Variants in GRM7 observed in about 807,000 individuals in gnomAD.
GRM7 encodes metabotropic glutamate receptor 7.
Under a neutral mutation model 84.5 loss-of-function variants are expected in GRM7, and 35 were observed. The observed-to-expected ratio is 0.41, with a 90% confidence interval of 0.32 to 0.55. GRM7 has a LOEUF of 0.55. Among genes scored for constraint, GRM7 ranks in the 20% least tolerant of loss-of-function variants. The pLI is 0.19. For missense variants in GRM7, 1,003 were observed against 1,194.6 expected, an observed-to-expected ratio of 0.84 and a Z score of 2.36; for synonymous variants, 487 against 455.1, an observed-to-expected ratio of 1.07 and a Z score of -0.89.
chr3:7,698,389 T>C (rs1701102435), intron 9 of GRM7, among the ~76,000 whole-genome samples: 2 of 152,220 alleles, frequency 1.3e-5, no homozygotes, highest in South Asian at 4.1e-4. Context: ...ATTATACAAC[T>C]GTATGTGATA....
chr3:7,452,463 A>T, intron 5 of GRM7, 144 bp from the exon 6 acceptor site: 1 of 643,232 alleles, frequency 1.6e-6, no homozygotes, highest in Non-Finnish European at 2.8e-6. Flanking sequence ...TGGTAGGCAA[A>T]TGTGGCTTGA....
At chr3:6,877,809 T>TCACACA (rs3220585) in intron 1 of GRM7, among the ~76,000 whole-genome samples, 78 of 145,642 alleles carry the variant, frequency 5.4e-4, no homozygotes, top group East Asian at 8.1e-4. Flanking sequence ...TACACAGATA[T>TCACACA]CACACACACA....
Position 7,049,917 on chromosome 3 carries a change from G to A in GRM7, c.520-96535G>A, listed in dbSNP as rs145545796. Among the ~76,000 whole-genome samples the A allele has an allele frequency of 9.9e-5, 15 of 152,006 alleles. No homozygotes were observed. The East Asian group carries it at 1.7e-3, about 18-fold the overall frequency. ...AACTGGAACCTAGTTTATTATCAGAGGAAGCTGACAGACAAAGCAAAAACC... is the reference window on the plus strand; with the variant it reads ...AACTGGAACCTAGTTTATTATCAGAAGAAGCTGACAGACAAAGCAAAAACC... On this transcript the variant is annotated intron_variant, in intron 1 of 9. Transcript: ENST00000357716.
In GRM7 at chr3:7,305,339, T is replaced by C. The variant is rs1700151326; in HGVS notation, c.879-1159T>C. ...ATTTCCTATGCTGCTGCTTTTTTTTTTTTCTTTTTTTTTTTTTTTAATTAT... is the reference window on the plus strand; with the variant it reads ...ATTTCCTATGCTGCTGCTTTTTTTTCTTTCTTTTTTTTTTTTTTTAATTAT... On this transcript the variant is annotated intron_variant, in intron 3 of 9. Transcript: ENST00000357716. 4.6e-5 allele frequency among the ~76,000 whole-genome samples: 4 copies of C among 87,334 alleles called. 1 individual carries two copies. The highest frequency in any genetic ancestry group is 9.3e-5 in the Admixed American group (1 of 10,728). The allele number at this position is 87,334 out of a possible 152,430, so 57.3% of individuals were successfully genotyped here.
Position 7,604,338 on chromosome 3 carries a change from T to A in GRM7, c.2451+24981T>A, listed in dbSNP as rs550084696. On this transcript the variant is annotated intron_variant, in intron 8 of 9. Transcript: ENST00000357716. ...CTATAGAGGATAGCTTAAGTTTGCT[T>A]TGCTGGAAGTTTTCATGAGGATTCT... Among the ~76,000 whole-genome samples the A allele has an allele frequency of 8.5e-5, 13 of 152,258 alleles. 1 individual carries two copies. The South Asian group carries it at 2.5e-3, about 29-fold the overall frequency.
intron 7 of GRM7, among the ~76,000 whole-genome samples, chr3:7,489,131 A>G (rs1335557882): frequency 1.3e-5 from 2 of 152,186 alleles, no homozygotes; most frequent in Admixed American, 6.5e-5. Flanking sequence ...AAGTGCCTCT[A>G]TGGATACATA....
chr3:7,219,449 T>C (rs888749815), intron 2 of GRM7, among the ~76,000 whole-genome samples: 1 of 152,204 alleles, frequency 6.6e-6, no homozygotes, highest in African/African-American at 2.4e-5. Context: ...TGTATATGTA[T>C]AAATAAGTCT....
intron 1 of GRM7, among the ~76,000 whole-genome samples, chr3:6,952,424 T>C (rs1402028938): frequency 6.6e-6 from 1 of 152,226 alleles, no homozygotes; most frequent in Non-Finnish European, 1.5e-5. Context: ...TTTGTGGATC[T>C]CTGGAGGTCT....
intron 4 of GRM7, among the ~76,000 whole-genome samples, chr3:7,338,269 C>CT (rs994182126): frequency 3.0e-4 from 46 of 151,946 alleles, no homozygotes; most frequent in African/African-American, 1.1e-3. Context: ...ATTCTATATT[C>CT]TCACCTATAA....
intron 7 of GRM7, among the ~76,000 whole-genome samples, chr3:7,571,294 G>A (rs994915594): frequency 5.3e-5 from 8 of 152,134 alleles, no homozygotes; most frequent in Admixed American, 5.2e-4. Context: ...TTGCCAGGCT[G>A]CAGATTTTCC....
intron 1 of GRM7, among the ~76,000 whole-genome samples, chr3:6,969,040 T>C (rs1693634316): frequency 6.6e-6 from 1 of 152,180 alleles, no homozygotes; most frequent in Non-Finnish European, 1.5e-5. Context: ...TTTGGTTATA[T>C]TGGGAGTAGT....
intron 1 of GRM7, among the ~76,000 whole-genome samples, chr3:7,010,158 C>T (rs60706950): frequency 0.043 from 6,477 of 152,178 alleles, 453 homozygotes; most frequent in African/African-American, 0.14. Flanking sequence ...CTGGGCCGGG[C>T]CAGTAGCTCG....
chr3:7,378,679 A>G (rs1418663620), intron 4 of GRM7, among the ~76,000 whole-genome samples: 1 of 152,144 alleles, frequency 6.6e-6, no homozygotes, highest in Non-Finnish European at 1.5e-5. Flanking sequence ...TGTATTAACT[A>G]ACATTAGATA....
At chr3:7,413,473 G>A (rs1696029673) in intron 4 of GRM7, among the ~76,000 whole-genome samples, 1 of 152,198 alleles carries the variant, frequency 6.6e-6, no homozygotes, top group Admixed American at 6.5e-5. Flanking sequence ...GCTAAGAGGA[G>A]GCAAGTCAGC....
intron 7 of GRM7, among the ~76,000 whole-genome samples, chr3:7,554,114 A>C (rs1266279321): frequency 6.6e-6 from 1 of 152,206 alleles, no homozygotes; most frequent in African/African-American, 2.4e-5. Flanking sequence ...ACGTTGCTAG[A>C]TCCAGAAACA....
chr3:7,336,718 C>T (rs1435160621), intron 4 of GRM7, among the ~76,000 whole-genome samples: 1 of 151,648 alleles, frequency 6.6e-6, no homozygotes, highest in Non-Finnish European at 1.5e-5. Flanking sequence ...AATCAATGTA[C>T]ACAAATCAGT....
At position 7,663,110 on chromosome 3, in the gene GRM7, C is replaced by CTGAT. The variant is rs150260547; in HGVS notation, c.2452-16937_2452-16934dup. On this transcript the variant is annotated intron_variant, in intron 8 of 9. Coordinates refer to ENST00000357716, the MANE Select transcript of GRM7 (RefSeq NM_000844.4). ...GCCCATGAGGGTTCTAAGTGATACT[C>CTGAT]TGATTATGGCTGAACTCCCAGGGAA... is the stretch of plus-strand genomic sequence containing the variant. Among the ~76,000 whole-genome samples, 727 of 152,232 alleles carry CTGAT rather than the reference C, an allele frequency of 4.8e-3. 3 individuals are homozygous for CTGAT. The highest frequency in any genetic ancestry group is 0.017 in the African/African-American group (689 of 41,528).
rs79421636 is a variant in GRM7, at chr3:7,132,519, G to A, written c.520-13933G>A. On this transcript the variant is annotated intron_variant, in intron 1 of 9. Coordinates refer to ENST00000357716, the MANE Select transcript of GRM7 (RefSeq NM_000844.4). ...AGGAATTATTTACCATGCAGAAATCGTATAAATCTTTTTTTGGTAGTAGGA... is the reference window on the plus strand; with the variant it reads ...AGGAATTATTTACCATGCAGAAATCATATAAATCTTTTTTTGGTAGTAGGA... 2.2e-3 allele frequency among the ~76,000 whole-genome samples: 330 copies of A among 152,078 alleles called. 1 individual carries two copies. The highest frequency in any genetic ancestry group is 6.7e-3 in the African/African-American group (279 of 41,472).
rs569365863 is a variant in GRM7 at position 7,393,724 on chromosome 3, T to C, written c.1034-21299T>C. Among the ~76,000 whole-genome samples the C allele has an allele frequency of 2.0e-5, 3 of 152,320 alleles. No homozygotes were observed. The East Asian group carries it at 5.8e-4, about 29-fold the overall frequency. Reference sequence around the variant, plus strand: ...TATGCACACAATTGCTCCAATAAATTTCATCTCATTTATTTCAGACTCTTA... The same window carrying C: ...TATGCACACAATTGCTCCAATAAATCTCATCTCATTTATTTCAGACTCTTA... On this transcript the variant is annotated intron_variant, in intron 4 of 9. Transcript: ENST00000357716.
Sources: gnomAD v4.1 joint callset for allele counts (sites outside exome capture counted in the v4.1 genomes callset) on GRCh38, gnomAD v4.1.1 for gene constraint, MANE v1.5 for transcripts, NCBI Gene and HGNC (gene_info 2026-07-23, HGNC 2026-07-21) for gene names.